Variants in JHY observed in about 807,000 individuals in gnomAD.
JHY encodes junctional cadherin complex regulator.
A neutral mutation model predicts 78.0 loss-of-function variants in JHY; 69 were observed. The ratio of observed to expected loss-of-function variants is 0.88; its 90% CI spans 0.73 to 1.08. The LOEUF is 1.08. Among genes scored for constraint, JHY ranks in the 50% least tolerant of loss-of-function variants. The pLI is 0.00. For synonymous variants in JHY, 368 were observed against 342.6 expected (o/e 1.07, Z -0.82); for missense variants, 944 against 927.8 (o/e 1.02, Z -0.23).
chr11:122,901,773 T>G (rs1862864600), intron 2 of JHY, among the ~76,000 whole-genome samples: 1 of 151,486 alleles, frequency 6.6e-6, no homozygotes, highest in Admixed American at 6.6e-5. Flanking sequence ...CTCGGGAGGC[T>G]GAGGCAGGAG....
At position 122,935,180 on chromosome 11, in the gene JHY, G is replaced by A; in HGVS notation, c.1634+105G>A. The A allele has an allele frequency of 2.8e-6, 3 of 1,060,318 alleles. No homozygotes were observed. Among genetic ancestry groups the A allele is most frequent in the Non-Finnish European group, 4.0e-6 (3 of 753,904 alleles). The allele number at this position is 1,060,318 out of a possible 1,614,324, so 65.7% of individuals were successfully genotyped here. On this transcript the variant is annotated intron_variant, in intron 5 of 8. Coordinates refer to ENST00000227349, the MANE Select transcript of JHY (RefSeq NM_024806.4). The surrounding 1 kb of genome is among the most constrained non-coding windows in gnomAD (Gnocchi z 4.5). ...GAAGGGGAATCCATAAGGTGGCTAGGTGAGAAGAAGAGTTCACCTAACAAC... is the reference window on the plus strand; with the variant it reads ...GAAGGGGAATCCATAAGGTGGCTAGATGAGAAGAAGAGTTCACCTAACAAC...
At chr11:122,904,789 C>A (rs1005562443) in intron 3 of JHY, among the ~76,000 whole-genome samples, 4 of 152,152 alleles carry the variant, frequency 2.6e-5, no homozygotes, top group African/African-American at 9.7e-5. Flanking sequence ...AAATCTGGAA[C>A]TTTTTAAAAC....
chr11:122,911,186 G>A (rs1404537771), intron 3 of JHY, among the ~76,000 whole-genome samples: 2 of 152,174 alleles, frequency 1.3e-5, no homozygotes, highest in Non-Finnish European at 2.9e-5. Context: ...GACTGATGAA[G>A]GTGAAATTTA....
Position 122,962,175 on chromosome 11 carries a change from A to G in JHY, c.*2730A>G, listed in dbSNP as rs1467532420. On this transcript the variant is annotated 3_prime_UTR_variant, in exon 9 of 9. Coordinates refer to ENST00000227349, the MANE Select transcript of JHY (RefSeq NM_024806.4). ...CTTAAAATCATTACTGGAGAGTTTA[A>G]TTTTCTACTTCCTTCCTTATATTAG... Among the ~76,000 whole-genome samples the G allele has an allele frequency of 6.6e-6, 1 of 152,230 alleles. No homozygotes were observed. Among genetic ancestry groups the G allele is most frequent in the African/African-American group, 2.4e-5 (1 of 41,454 alleles).
intron 3 of JHY, among the ~76,000 whole-genome samples, chr11:122,911,527 G>A (rs1308939587): frequency 6.6e-6 from 1 of 152,182 alleles, no homozygotes; most frequent in African/African-American, 2.4e-5. Context: ...TTACATTCCA[G>A]TCATACGGCA....
At chr11:122,884,665 A>G (rs1862456525) in intron 1 of JHY, among the ~76,000 whole-genome samples, 1 of 152,178 alleles carries the variant, frequency 6.6e-6, no homozygotes, top group South Asian at 2.1e-4. Context: ...GCTAACTCTT[A>G]GCTGTAATTC....
At chr11:122,958,542 T>C (rs1864239488) in intron 8 of JHY, among the ~76,000 whole-genome samples, 1 of 152,188 alleles carries the variant, frequency 6.6e-6, no homozygotes. Flanking sequence ...TTCTACATTT[T>C]AGAGGGTTTT....
chr11:122,903,674 G>T (rs902963709), intron 2 of JHY, among the ~76,000 whole-genome samples: 3 of 151,990 alleles, frequency 2.0e-5, no homozygotes, highest in Admixed American at 2.0e-4. Flanking sequence ...TAAAGATGGA[G>T]TCTCGCTGTG....
chr11:122,915,989 T>C lies in JHY; in HGVS notation c.865-8908T>C, dbSNP rs188472436. 2.0e-5 allele frequency among the ~76,000 whole-genome samples: 3 copies of C among 150,664 alleles called. No homozygotes were observed. The Admixed American group carries it at 2.0e-4, about 10-fold the overall frequency. ...TTGGTCAATTAAATCAAAGATTTCA[T>C]GGAGGTAAAAGGCAGAATGATAGTT... On this transcript the variant is annotated intron_variant, in intron 3 of 8. Transcript: ENST00000227349.
At chr11:122,906,040 A>T (rs1008541826) in intron 3 of JHY, 26 of 152,204 alleles carry the variant, frequency 1.7e-4, no homozygotes, top group Non-Finnish European at 1.9e-4. Context: ...TGAAGTATTT[A>T]AAAAACTAGG....
chr11:122,918,278 G>A (rs1863275997), intron 3 of JHY, among the ~76,000 whole-genome samples: 1 of 151,478 alleles, frequency 6.6e-6, no homozygotes, highest in Admixed American at 6.6e-5. Context: ...AAAAAAAACA[G>A]ACAAAAATCC....
chr11:122,946,876 G>A (rs1391953796), intron 6 of JHY, 84 bp downstream of exon 6: 5 of 1,482,792 alleles, frequency 3.4e-6, no homozygotes, highest in African/African-American at 2.8e-5. Flanking sequence ...CCCTGGAATA[G>A]GGATGGTCAT....
rs1467874798 is a variant in JHY, at chr11:122,922,764, T to C, written c.865-2133T>C. On this transcript the variant is annotated intron_variant, in intron 3 of 8. Transcript: ENST00000227349. ...GGCGGAGCTTGCAGTGAGCCGAGAT[T>C]GTGCCACTGCACTCCAGCCTGGGCA... Among the ~76,000 whole-genome samples the C allele has an allele frequency of 2.2e-5, 3 of 139,152 alleles. No homozygotes were observed. In the South Asian group the frequency reaches 6.7e-4, roughly 31 times the overall value. 91.3% of individuals were successfully genotyped at this position (139,152 alleles called of 152,430 possible). A position where few individuals can be genotyped will look rare whatever the true frequency, so the allele number is the denominator to read the frequency against.
intron 2 of JHY, among the ~76,000 whole-genome samples, chr11:122,895,741 G>A (rs1251982793): frequency 6.6e-6 from 1 of 152,184 alleles, no homozygotes; most frequent in South Asian, 2.1e-4. Flanking sequence ...GAAAAGAGGT[G>A]CATGTTTTGT....
chr11:122,941,830 A>T (rs1387611440), intron 5 of JHY, among the ~76,000 whole-genome samples: 1 of 152,134 alleles, frequency 6.6e-6, no homozygotes, highest in Non-Finnish European at 1.5e-5. Flanking sequence ...GGACCATGAC[A>T]AGAAATAGAA....
chr11:122,903,649 T>A (rs1402105187), intron 2 of JHY, among the ~76,000 whole-genome samples: 1 of 151,970 alleles, frequency 6.6e-6, no homozygotes, highest in African/African-American at 2.4e-5. Flanking sequence ...GCTAATTTTT[T>A]AAAAAAATTT....
At chr11:122,924,411 A>G (rs1392031108) in intron 3 of JHY, among the ~76,000 whole-genome samples, 2 of 152,192 alleles carry the variant, frequency 1.3e-5, no homozygotes, top group Non-Finnish European at 1.5e-5. Context: ...GGGTAATAAC[A>G]TATGCATACC....
At chr11:122,923,506 T>C (rs1863420223) in intron 3 of JHY, among the ~76,000 whole-genome samples, 1 of 152,166 alleles carries the variant, frequency 6.6e-6, no homozygotes, top group South Asian at 2.1e-4. Flanking sequence ...AACTTTAAGT[T>C]TGCTTCCTGC....
In JHY at chr11:122,883,076, G is replaced by A. The variant is rs1246116806; in HGVS notation, c.-90+104G>A. 1.3e-5 allele frequency: 2 copies of A among 152,918 alleles called. No individual in the cohort carries two copies. Among genetic ancestry groups the A allele is most frequent in the African/African-American group, 4.8e-5 (2 of 41,454 alleles). 9.5% of individuals were successfully genotyped at this position (152,918 alleles called of 1,614,324 possible). ...GGACGGCAGGAAACCACCCAAGCAA[G>A]CTGGGGAGGAGCCGGCGCGGGAGCC... On this transcript the variant is annotated intron_variant, in intron 1 of 8. Transcript: ENST00000227349. This position sits in a 1 kb window ranked among gnomAD's most constrained non-coding sequence, Gnocchi z 4.4.
Sources: allele counts gnomAD v4.1 joint callset (sites outside exome capture counted in the v4.1 genomes callset), GRCh38; gene constraint gnomAD v4.1.1; non-coding constraint Gnocchi (gnomAD v3.1); transcripts MANE v1.5; gene names NCBI Gene and HGNC (gene_info 2026-07-23, HGNC 2026-07-21).